Variants in IL6ST observed in about 807,000 individuals in gnomAD.
IL6ST encodes the protein interleukin-6 receptor subunit beta.
In IL6ST, 24 loss-of-function variants were observed where a neutral mutation model predicts 91.3. The observed-to-expected ratio is 0.26, with a 90% confidence interval of 0.19 to 0.37. IL6ST has a LOEUF of 0.37. IL6ST is among the 10% of genes least tolerant of loss of function. IL6ST has a pLI of 1.00. For synonymous variants in IL6ST, 351 were observed against 373.6 expected (o/e 0.94, Z 0.70); for missense variants, 914 against 1,078.5 (o/e 0.85, Z 2.14).
At position 55,947,591 on chromosome 5, in the gene IL6ST, T is replaced by TTA. The variant is rs1361522240; in HGVS notation, c.1841-4_1841-3dup. ...CTATGGCTTCAATTTCTCCTTGAGC[T>TTA]TAAAAAAAAAAAAAAAAAAAAAAAA... On this transcript the variant is annotated splice_polypyrimidine_tract_variant and splice_region_variant and intron_variant, in intron 14 of 16. Transcript: ENST00000381298. The TTA allele has an allele frequency of 1.4e-6, 1 of 703,904 alleles. No homozygotes were observed. The highest frequency in any genetic ancestry group is 2.0e-6 in the Non-Finnish European group (1 of 506,614). The allele number at this position is 703,904 out of a possible 1,614,324, so 43.6% of individuals were successfully genotyped here. A position where few individuals can be genotyped will look rare whatever the true frequency, so the allele number is the denominator to read the frequency against.
chr5:55,983,000 C>CT (rs111793262), intron 1 of IL6ST, among the ~76,000 whole-genome samples, 189 bp from the exon 2 acceptor site: 4,560 of 136,786 alleles, frequency 0.033, 91 homozygotes, highest in Non-Finnish European at 0.041. Flanking sequence ...TATTCTAGTG[C>CT]TTTTTTTTTT....
rs369444996 is a variant in IL6ST at position 55,993,561 on chromosome 5, T to C, written c.-104+1223A>G. Among the ~76,000 whole-genome samples, 15 of 152,274 alleles carry C rather than the reference T, an allele frequency of 9.9e-5. No individual in the cohort carries two copies. In the East Asian group the frequency reaches 2.7e-3, roughly 27 times the overall value. On this transcript the variant is annotated intron_variant, in intron 1 of 16. Coordinates refer to ENST00000381298, the MANE Select transcript of IL6ST (RefSeq NM_002184.4). The stretch of plus-strand genomic sequence containing the variant: ...ATAATCTAAATTGCCTGTGAGAAAA[T>C]TAAACTGGTATTGTCAATACATACT...
Position 55,976,140 on chromosome 5 carries a change from T to TTAATTA in IL6ST, c.64+69_64+74dup, listed in dbSNP as rs755814534. Reference sequence around the variant, plus strand: ...ATGAACATAATAATTAAACATAAGCTTAATTATATAATAATATAAAAATAT... The same window carrying TTAATTA: ...ATGAACATAATAATTAAACATAAGCTTAATTATAATTATATAATAATATAAAAATAT... On this transcript the variant is annotated intron_variant, in intron 3 of 16. Coordinates refer to ENST00000381298, the MANE Select transcript of IL6ST (RefSeq NM_002184.4). 3 of 588,930 alleles carry TTAATTA rather than the reference T, an allele frequency of 5.1e-6. No individual in the cohort carries two copies. In the South Asian group the frequency reaches 1.0e-4, roughly 21 times the overall value. The allele number at this position is 588,930 out of a possible 1,614,324, so 36.5% of individuals were successfully genotyped here. A position where few individuals can be genotyped will look rare whatever the true frequency, so the allele number is the denominator to read the frequency against.
intron 1 of IL6ST, among the ~76,000 whole-genome samples, chr5:55,984,037 T>A (rs971865855): frequency 1.2e-4 from 18 of 151,916 alleles, no homozygotes; most frequent in Non-Finnish European, 2.4e-4. Flanking sequence ...ACTTAACACC[T>A]TCTAAAATAG....
chr5:55,976,319 T>A (rs1255579604), intron 2 of IL6ST, 26 bp from the exon 3 acceptor site: 2 of 1,307,276 alleles, frequency 1.5e-6, no homozygotes, highest in Non-Finnish European at 2.1e-6. Context: ...GTAATATTAC[T>A]TTTAATATTT....
rs552400135 is a variant in IL6ST at position 55,974,019 on chromosome 5, A to G, written c.64+2196T>C. Among the ~76,000 whole-genome samples the G allele has an allele frequency of 1.2e-4, 18 of 152,328 alleles. No homozygotes were observed. The South Asian group carries it at 3.7e-3, about 32-fold the overall frequency. ...AGAAATATACATTGGGTGAGGGAGA[A>G]CTAGTTTAAGAGTAACTCATGTAAA... On this transcript the variant is annotated intron_variant, in intron 3 of 16. Transcript: ENST00000381298.
At chr5:55,970,627 G>T (rs150007022) in intron 3 of IL6ST, among the ~76,000 whole-genome samples, 11 of 152,272 alleles carry the variant, frequency 7.2e-5, no homozygotes, top group African/African-American at 2.6e-4. Context: ...GGTCAAGGAT[G>T]TAGTAAGCCA....
In IL6ST at chr5:55,940,533, C is replaced by G; in HGVS notation, c.*549G>C. On this transcript the variant is annotated 3_prime_UTR_variant, in exon 17 of 17. Transcript: ENST00000381298. ...AGGGACCTAAGGAATACCGTGTACA[C>G]TGATATACACGAAGCTGCTCCTCAT... 1 of 213,786 alleles carries G rather than the reference C, an allele frequency of 4.7e-6. No individual in the cohort carries two copies. The highest frequency in any genetic ancestry group is 9.5e-6 in the Non-Finnish European group (1 of 105,648). 13.2% of individuals were successfully genotyped at this position (213,786 alleles called of 1,614,324 possible). A position where few individuals can be genotyped will look rare whatever the true frequency, so the allele number is the denominator to read the frequency against.
At chr5:55,993,554 G>A (rs1754453618) in intron 1 of IL6ST, among the ~76,000 whole-genome samples, 1 of 152,090 alleles carries the variant, frequency 6.6e-6, no homozygotes. Context: ...AATTGCCTGT[G>A]AGAAAATTAA....
At chr5:55,974,097 T>A (rs191026373) in intron 3 of IL6ST, among the ~76,000 whole-genome samples, 1 of 152,334 alleles carries the variant, frequency 6.6e-6, no homozygotes, top group Admixed American at 6.5e-5. Context: ...CAAGGGTATA[T>A]CTCAGCTACC....
Position 55,984,910 on chromosome 5 carries a change from C to T in IL6ST, c.-103-2099G>A, listed in dbSNP as rs1580865702. On this transcript the variant is annotated intron_variant, in intron 1 of 16. Coordinates refer to ENST00000381298, the MANE Select transcript of IL6ST (RefSeq NM_002184.4). ...GGAAACTAACACATAGTGTGTGTCC[C>T]CAAAATAGAAGGTAAGTGAAGAGTG... Among the ~76,000 whole-genome samples, 5 of 152,244 alleles carry T rather than the reference C, an allele frequency of 3.3e-5. No homozygotes were observed. In the South Asian group the frequency reaches 1.0e-3, roughly 32 times the overall value.
At chr5:55,968,249 A>T in intron 5 of IL6ST, 27 bp downstream of exon 5, 1 of 1,549,374 alleles carries the variant, frequency 6.5e-7, no homozygotes, top group Non-Finnish European at 8.7e-7. Flanking sequence ...AATAAATCTA[A>T]CATGAAACAA....
At position 55,938,121 on chromosome 5, in the gene IL6ST, T is replaced by C. The variant is rs572035731; in HGVS notation, c.*2961A>G. On this transcript the variant is annotated 3_prime_UTR_variant, in exon 17 of 17. Transcript: ENST00000381298. ...AATGTTTTGTAACATTTTAAAGTTG[T>C]AACATTTCTAAGTATACTCCACTAA... is the stretch of plus-strand genomic sequence containing the variant. 3.7e-5 allele frequency: 7 copies of C among 189,660 alleles called. No individual in the cohort carries two copies. The East Asian group carries it at 5.1e-4, about 14-fold the overall frequency. The allele number at this position is 189,660 out of a possible 1,614,324, so 11.7% of individuals were successfully genotyped here.
At chr5:55,973,385 T>A (rs571567618) in intron 3 of IL6ST, among the ~76,000 whole-genome samples, 1 of 152,194 alleles carries the variant, frequency 6.6e-6, no homozygotes, top group African/African-American at 2.4e-5. Context: ...GAGTGTGCTA[T>A]GAGACTTCAG....
At position 55,976,285 on chromosome 5, in the gene IL6ST, C is replaced by T. The variant is rs370552486; in HGVS notation, c.-7G>A. The T allele has an allele frequency of 2.9e-5, 45 of 1,574,176 alleles. No homozygotes were observed. The highest frequency in any genetic ancestry group is 5.4e-5 in the Admixed American group (3 of 56,058). ...AAGTCTGCAACGTCAACATCTTGCG[C>T]GGATATTTCTGCAACAGACACATGT... is the stretch of plus-strand genomic sequence containing the variant. On this transcript the variant is annotated 5_prime_UTR_variant, in exon 3 of 17. Transcript: ENST00000381298.
At chr5:55,945,648 C>CT (rs70995749) in intron 15 of IL6ST, among the ~76,000 whole-genome samples, 22,872 of 41,610 alleles carry the variant, frequency 0.55, 10,516 homozygotes, top group Non-Finnish European at 0.67. Flanking sequence ...AAAACTTATG[C>CT]TTTTTTTTTT....
In IL6ST at chr5:55,937,157, G is replaced by C; in HGVS notation, c.*3925C>G. The C allele has an allele frequency of 4.7e-6, 1 of 210,688 alleles. No individual in the cohort carries two copies. Among genetic ancestry groups the C allele is most frequent in the East Asian group, 7.1e-5 (1 of 14,166 alleles). The allele number at this position is 210,688 out of a possible 1,614,324, so 13.1% of individuals were successfully genotyped here. On this transcript the variant is annotated 3_prime_UTR_variant, in exon 17 of 17. Coordinates refer to ENST00000381298, the MANE Select transcript of IL6ST (RefSeq NM_002184.4). ...AGAACATCATTCAGACAAAGCCTGT[G>C]TTCAAGAAATAAAAAAAACATCTAT...
rs1750518537 is a variant in IL6ST, at chr5:55,936,280, GCA to G, written c.*4800_*4801del. 1 of 226,348 alleles carries G rather than the reference GCA, an allele frequency of 4.4e-6. No homozygotes were observed. Among genetic ancestry groups the G allele is most frequent in the South Asian group, 1.8e-4 (1 of 5,440 alleles). 14.0% of individuals were successfully genotyped at this position (226,348 alleles called of 1,614,324 possible). A position where few individuals can be genotyped will look rare whatever the true frequency, so the allele number is the denominator to read the frequency against. The stretch of plus-strand genomic sequence containing the variant: ...GAGACTCCAGCAGAGTGCAGGGTGG[GCA>G]CAGACAGGCCACAAGATGGCGCAGC... On this transcript the variant is annotated 3_prime_UTR_variant, in exon 17 of 17. Transcript: ENST00000381298.
intron 10 of IL6ST, 152 bp downstream of exon 10, chr5:55,955,873 T>C (rs949442236): frequency 2.0e-5 from 9 of 450,342 alleles, no homozygotes; most frequent in Middle Eastern, 5.7e-4. Flanking sequence ...AATCATTATT[T>C]ATAAAATTTA....
Sources: allele counts gnomAD v4.1 joint callset (sites outside exome capture counted in the v4.1 genomes callset), GRCh38; gene constraint gnomAD v4.1.1; transcripts MANE v1.5; gene names NCBI Gene and HGNC (gene_info 2026-07-23, HGNC 2026-07-21).